The following PUDP variants were observed in gnomAD, a reference collection of about 807,000 sequenced individuals.
PUDP encodes pseudouridine-5'-phosphatase.
PUDP carries 8 observed loss-of-function variants against 9.4 expected under a neutral mutation model. That is an observed-to-expected ratio of 0.85 (90% CI 0.50 to 1.53). The LOEUF (loss-of-function observed/expected upper bound fraction) is 1.53, where lower values mean the gene tolerates loss of function less well. Ranked by LOEUF, PUDP falls within the 40% of genes most tolerant of loss-of-function variation. The pLI is 0.00. For missense variants in PUDP, 188 were observed against 189.7 expected (o/e 0.99, Z 0.05); for synonymous variants, 99 against 80.7 (o/e 1.23, Z -1.22).
chrX:6,923,036 C>T (rs1893776966), intron 3 of PUDP, among the ~76,000 whole-genome samples: 1 of 111,841 alleles, frequency 8.9e-6, no homozygotes, highest in Non-Finnish European at 1.9e-5. Context: ...TCTCAAAGTC[C>T]TCAGTGACCT....
At chrX:7,077,652 A>G (rs12558888) in intron 2 of PUDP, among the ~76,000 whole-genome samples, 27,658 of 111,655 alleles carry the variant, frequency 0.25, 2,648 homozygotes, top group Admixed American at 0.41. Flanking sequence ...AAAAATCAAA[A>G]AAGCTATTGG....
At chrX:6,799,513 T>C (rs921711953) in intron 3 of PUDP, among the ~76,000 whole-genome samples, 2 of 111,960 alleles carry the variant, frequency 1.8e-5, no homozygotes, top group East Asian at 2.8e-4. Context: ...TAGCTATCAA[T>C]CCAGGCCTGG....
At chrX:7,034,732 T>C (rs892164336) in intron 1 of PUDP, among the ~76,000 whole-genome samples, 1 of 111,533 alleles carries the variant, frequency 9.0e-6, no homozygotes, top group East Asian at 2.8e-4. Flanking sequence ...GACTGGCCCA[T>C]ACCGCCCTCT....
At chrX:7,021,528 C>T (rs186098235) in intron 1 of PUDP, among the ~76,000 whole-genome samples, 1 of 112,180 alleles carries the variant, frequency 8.9e-6, no homozygotes, top group African/African-American at 3.2e-5. Context: ...AACCGTGATG[C>T]TTTGAAGTGT....
At chrX:6,743,399 T>A (rs111252845) in intron 3 of PUDP, among the ~76,000 whole-genome samples, 5,523 of 111,897 alleles carry the variant, frequency 0.049, 151 homozygotes, top group African/African-American at 0.075. Flanking sequence ...CCAGCTAATG[T>A]AAAGGGTTTG....
intron 3 of PUDP, among the ~76,000 whole-genome samples, chrX:6,969,149 G>A (rs771058619): frequency 4.4e-5 from 5 of 112,603 alleles, no homozygotes; most frequent in South Asian, 3.7e-4. Context: ...ATGTGAGCAC[G>A]GTGGGTGTGA....
rs780880231 is a variant in PUDP at position 7,049,032 on chromosome X, G to C, written c.*1264C>G. On this transcript the variant is annotated 3_prime_UTR_variant, in exon 4 of 4. Transcript: ENST00000381077. ...TGCAGACATATATTCAGGCCATCAA[G>C]AATGAGGAAATGAATTTGCTAAATT... The C allele has an allele frequency of 1.1e-4, 12 of 112,173 alleles. No individual in the cohort carries two copies. The highest frequency in any genetic ancestry group is 1.9e-4 in the Non-Finnish European group (10 of 53,280). The allele number at this position is 112,173 out of a possible 1,213,427, so 9.2% of individuals were successfully genotyped here.
At chrX:6,987,624 G>A (rs757990564) in intron 1 of PUDP, among the ~76,000 whole-genome samples, 51 of 112,199 alleles carry the variant, frequency 4.5e-4, no homozygotes, top group Non-Finnish European at 6.6e-4. Context: ...TGGGCCAAAT[G>A]TGGCCCACTG....
At chrX:7,001,382 T>C (rs921930465) in intron 1 of PUDP, among the ~76,000 whole-genome samples, 27 of 111,545 alleles carry the variant, frequency 2.4e-4, no homozygotes, top group African/African-American at 8.5e-4. Flanking sequence ...AATCTGTAGA[T>C]AGATTTAATT....
chrX:7,058,278 T>C, intron 3 of PUDP, among the ~76,000 whole-genome samples: 2 of 112,454 alleles, frequency 1.8e-5, no homozygotes, highest in Middle Eastern at 4.6e-3. Flanking sequence ...CTCTAAGGAA[T>C]AAAGCTTTCC....
At position 7,008,073 on chromosome X, in the gene PUDP, C is replaced by A. The variant is rs1252196027; in HGVS notation, c.205-29730G>T. Reference sequence around the variant, plus strand: ...CCACTTCCTGGGTTCACACCATTCTCCTGTCTCAGCCTCTGGAGTAGCTGG... The same window carrying A: ...CCACTTCCTGGGTTCACACCATTCTACTGTCTCAGCCTCTGGAGTAGCTGG... On this transcript the variant is annotated intron_variant and NMD_transcript_variant, in intron 1 of 3. Coordinates refer to the PUDP transcript ENST00000655425. Among the ~76,000 whole-genome samples, 4 of 110,189 alleles carry A rather than the reference C, an allele frequency of 3.6e-5. No homozygotes were observed. The South Asian group carries it at 1.6e-3, about 44-fold the overall frequency.
chrX:6,917,813 T>C (rs971604416), intron 3 of PUDP, among the ~76,000 whole-genome samples: 1 of 111,973 alleles, frequency 8.9e-6, no homozygotes, highest in Non-Finnish European at 1.9e-5. Context: ...CTCTAACGCA[T>C]TGCTGAAATT....
intron 3 of PUDP, among the ~76,000 whole-genome samples, chrX:6,762,875 T>C (rs1227423594): frequency 8.9e-6 from 1 of 112,073 alleles, no homozygotes; most frequent in East Asian, 2.8e-4. Context: ...CTTTCTTCTT[T>C]TAAAATAAGG....
chrX:7,097,693 G>C (rs1602780241), intron 2 of PUDP, among the ~76,000 whole-genome samples: 1 of 111,449 alleles, frequency 9.0e-6, no homozygotes, highest in Non-Finnish European at 1.9e-5. Flanking sequence ...CTACATGCAC[G>C]AGAGTTCAGA....
chrX:6,986,404 G>A (rs11095297), intron 1 of PUDP, among the ~76,000 whole-genome samples: 30,285 of 110,484 alleles, frequency 0.27, 3,201 homozygotes, highest in Admixed American at 0.39. Context: ...CATTTGGAGT[G>A]CACCTACCAC....
intron 1 of PUDP, among the ~76,000 whole-genome samples, chrX:6,999,777 C>T (rs1054452407): frequency 2.1e-5 from 2 of 93,981 alleles, no homozygotes; most frequent in South Asian, 5.4e-4. Context: ...CTCCAATAGC[C>T]TATGAAAATA....
rs1441364767 is a variant in PUDP at position 6,875,051 on chromosome X, T to G, written c.*247+102082A>C. On this transcript the variant is annotated intron_variant and NMD_transcript_variant, in intron 3 of 3. Transcript: ENST00000655425. Reference sequence around the variant, plus strand: ...GCAAAATCAAATGTTTTTTAAAATTTTATTTATCTTTAAATTTATTTTGTT... The same window carrying G: ...GCAAAATCAAATGTTTTTTAAAATTGTATTTATCTTTAAATTTATTTTGTT... Among the ~76,000 whole-genome samples the G allele has an allele frequency of 4.5e-5, 5 of 111,997 alleles. No individual in the cohort carries two copies. In the Admixed American group the frequency reaches 4.8e-4, roughly 11 times the overall value.
intron 3 of PUDP, among the ~76,000 whole-genome samples, chrX:6,776,693 G>A (rs1925470017): frequency 8.9e-6 from 1 of 111,737 alleles, no homozygotes; most frequent in East Asian, 2.8e-4. Context: ...TTTATAATTT[G>A]CAATAGTTTC....
intron 3 of PUDP, among the ~76,000 whole-genome samples, chrX:6,930,624 A>G (rs1197714437): frequency 1.8e-5 from 2 of 111,582 alleles, no homozygotes; most frequent in Non-Finnish European, 3.8e-5. Context: ...AACCATAAAA[A>G]TAGCCAACCA....
Sources: allele counts gnomAD v4.1 joint callset (sites outside exome capture counted in the v4.1 genomes callset), GRCh38; gene constraint gnomAD v4.1.1; transcripts MANE v1.5; gene names NCBI Gene and HGNC (gene_info 2026-07-23, HGNC 2026-07-21).